The following EML1 variants were observed in gnomAD, a reference collection of about 807,000 sequenced individuals.
EML1 encodes echinoderm microtubule-associated protein-like 1.
In EML1, 27 loss-of-function variants were observed where a neutral mutation model predicts 110.4. That is an observed-to-expected ratio of 0.24 (90% CI 0.18 to 0.34). The LOEUF (loss-of-function observed/expected upper bound fraction) is 0.34. Among genes scored for constraint, EML1 ranks in the 10% least tolerant of loss-of-function variants. The probability of loss-of-function intolerance (pLI) is 1.00; values close to 1 mark genes in which losing one functional copy is unlikely to be tolerated. For missense variants in EML1, 741 were observed against 1,030.9 expected, an observed-to-expected ratio of 0.72 and a Z score of 3.85; for synonymous variants, 344 against 385.8, an observed-to-expected ratio of 0.89 and a Z score of 1.27.
At chr14:99,891,892 T>C (rs538326917) in intron 5 of EML1, among the ~76,000 whole-genome samples, 22 of 152,360 alleles carry the variant, frequency 1.4e-4, no homozygotes, top group African/African-American at 5.3e-4. Flanking sequence ...GTCAAAGTTG[T>C]GTATTTATCA....
chr14:99,802,665 G>A (rs1318334631), intron 1 of EML1, among the ~76,000 whole-genome samples: 1 of 152,132 alleles, frequency 6.6e-6, no homozygotes, highest in Non-Finnish European at 1.5e-5. Flanking sequence ...CAGGCCACGG[G>A]GGAGGTGGTT....
rs1595449561 is a variant in EML1 at position 99,897,040 on chromosome 14, G to T, written c.678-105G>T. The stretch of plus-strand genomic sequence containing the variant: ...TAATGTTGTTTAAATTAGTGATGCT[G>T]ATGGTAATAGTTATATGGTATTTTA... On this transcript the variant is annotated intron_variant, in intron 6 of 21. Transcript: ENST00000262233. The T allele has an allele frequency of 2.9e-6, 3 of 1,032,468 alleles. No individual in the cohort carries two copies. In the East Asian group the frequency reaches 8.5e-5, roughly 29 times the overall value. The allele number at this position is 1,032,468 out of a possible 1,614,324, so 64.0% of individuals were successfully genotyped here.
At chr14:99,756,761 G>A (rs990981014) in intron 1 of EML1, among the ~76,000 whole-genome samples, 22 of 152,150 alleles carry the variant, frequency 1.4e-4, no homozygotes, top group African/African-American at 5.1e-4. Context: ...TGTGATTCCC[G>A]TGCCCCCAGC....
intron 1 of EML1, among the ~76,000 whole-genome samples, chr14:99,801,168 G>T (rs2057869795): frequency 6.6e-6 from 1 of 152,252 alleles, no homozygotes; most frequent in African/African-American, 2.4e-5. Context: ...GCAGCCCACA[G>T]TTAAAGATAA....
chr14:99,824,576 T>C (rs1382067366), intron 1 of EML1, among the ~76,000 whole-genome samples: 1 of 151,854 alleles, frequency 6.6e-6, no homozygotes, highest in Non-Finnish European at 1.5e-5. Context: ...TCAGGTCTTA[T>C]CAGTGAAAAT....
At chr14:99,775,149 G>C (rs934978657) in intron 1 of EML1, among the ~76,000 whole-genome samples, 2 of 152,220 alleles carry the variant, frequency 1.3e-5, no homozygotes, top group African/African-American at 2.4e-5. Flanking sequence ...CAGCCTTCTT[G>C]AAAAGTTACA....
chr14:99,772,848 G>A (rs1243010714), upstream of EML1: 2 of 152,204 alleles, frequency 1.3e-5, no homozygotes, highest in East Asian at 3.8e-4. Flanking sequence ...ACAACCCACT[G>A]TTTGACCCAT....
chr14:99,781,522 C>T lies in EML1; in HGVS notation c.-27+7509C>T, dbSNP rs1266772151. Among the ~76,000 whole-genome samples, 7 of 152,322 alleles carry T rather than the reference C, an allele frequency of 4.6e-5. No individual in the cohort carries two copies. The East Asian group carries it at 1.4e-3, about 30-fold the overall frequency. ...CACAGCTGGGAGGATGGCTGCCAGC[C>T]CAACCCAGGCTCACACCACCTCACC... On this transcript the variant is annotated intron_variant, in intron 1 of 22. Coordinates refer to the EML1 transcript ENST00000327921. The surrounding 1 kb of genome is among the most constrained non-coding windows in gnomAD (Gnocchi z 4.2).
chr14:99,923,896 G>A (rs564622569), intron 17 of EML1, among the ~76,000 whole-genome samples: 17 of 152,262 alleles, frequency 1.1e-4, no homozygotes, highest in African/African-American at 2.2e-4. Context: ...TCCAGAGATC[G>A]TCTCACTTCG....
intron 1 of EML1, among the ~76,000 whole-genome samples, chr14:99,821,889 A>C (rs1220266800): frequency 2.0e-5 from 3 of 152,180 alleles, no homozygotes; most frequent in African/African-American, 7.2e-5. Context: ...ACTGGCAGGG[A>C]ATGTATCTGT....
intron 1 of EML1, among the ~76,000 whole-genome samples, chr14:99,806,153 T>C (rs889870098): frequency 6.6e-6 from 1 of 152,118 alleles, no homozygotes; most frequent in African/African-American, 2.4e-5. Context: ...AAACTGAATG[T>C]TTAACTAAAA....
At chr14:99,817,879 T>C (rs955607306) in intron 1 of EML1, among the ~76,000 whole-genome samples, 2 of 152,078 alleles carry the variant, frequency 1.3e-5, no homozygotes, top group African/African-American at 4.8e-5. Context: ...AGAGTGTAGG[T>C]GGAGCCCCCA....
chr14:99,824,222 A>G (rs1487131260), intron 1 of EML1, among the ~76,000 whole-genome samples: 1 of 152,118 alleles, frequency 6.6e-6, no homozygotes, highest in African/African-American at 2.4e-5. Context: ...AGCCTCCCAA[A>G]GTGCTGGGAT....
Position 99,793,434 on chromosome 14 carries a change from G to T in EML1, c.-43G>T. The T allele has an allele frequency of 9.7e-7, 1 of 1,030,940 alleles. No homozygotes were observed. Among genetic ancestry groups the T allele is most frequent in the Non-Finnish European group, 1.2e-6 (1 of 859,444 alleles). The allele number at this position is 1,030,940 out of a possible 1,614,324, so 63.9% of individuals were successfully genotyped here. ...GCTCAGTGTGTGGTGAGCGGCGGCG[G>T]CGCGGCCGGGCCGGGGAGCGGGCGC... On this transcript the variant is annotated 5_prime_UTR_variant, in exon 1 of 22. Coordinates refer to ENST00000262233, the MANE Select transcript of EML1 (RefSeq NM_004434.3).
At chr14:99,823,269 G>T (rs1303997640) in intron 1 of EML1, among the ~76,000 whole-genome samples, 1 of 151,980 alleles carries the variant, frequency 6.6e-6, no homozygotes, top group Non-Finnish European at 1.5e-5. Context: ...GCTTGTGCTA[G>T]TTCCCGGCTC....
chr14:99,793,192 A>T, upstream of EML1: 4 of 307,528 alleles, frequency 1.3e-5, no homozygotes, highest in Non-Finnish European at 1.9e-5. Context: ...GCGGGGAAAG[A>T]GGCCGCAGGC....
chr14:99,900,957 A>T lies in EML1; in HGVS notation c.926A>T (p.Asp309Val). The change falls in exon 9 of 22, where the codon GAT becomes GTT. Residue 309 changes from aspartate to valine, a missense_variant. Transcript: ENST00000262233. ...TTGCCCCCACATGTGCGCATCTGGG[A>T]TTCTGTGACATTGAATACTCTCCAC... ...KQLPPHVRIWDSVTLNTLHVI... is the reference protein window; with the variant it reads ...KQLPPHVRIWVSVTLNTLHVI... The T allele has an allele frequency of 6.2e-7, 1 of 1,614,116 alleles. No individual in the cohort carries two copies. Among genetic ancestry groups the T allele is most frequent in the Non-Finnish European group, 8.5e-7 (1 of 1,180,020 alleles).
At chr14:99,878,744 TCTC>T (rs1267284857) in intron 4 of EML1, 125 bp downstream of exon 4, 1 of 1,367,050 alleles carries the variant, frequency 7.3e-7, no homozygotes, top group East Asian at 2.4e-5. Context: ...AAGAAGACCT[TCTC>T]CTCAGGTATT....
upstream of EML1, among the ~76,000 whole-genome samples, chr14:99,769,939 C>A (rs1422095935): frequency 6.6e-6 from 1 of 152,216 alleles, no homozygotes; most frequent in Non-Finnish European, 1.5e-5. Flanking sequence ...CCCTACCAGT[C>A]CCTTCTGTCC....
Sources: allele counts gnomAD v4.1 joint callset (sites outside exome capture counted in the v4.1 genomes callset), GRCh38; gene constraint gnomAD v4.1.1; non-coding constraint Gnocchi (gnomAD v3.1); transcripts MANE v1.5; gene names NCBI Gene and HGNC (gene_info 2026-07-23, HGNC 2026-07-21).